The following FGD6 variants were observed in gnomAD, a reference collection of about 807,000 sequenced individuals.
FGD6 encodes the protein FYVE, RhoGEF and PH domain containing 6.
FGD6 carries 90 observed loss-of-function variants against 149.4 expected under a neutral mutation model. The ratio of observed to expected loss-of-function variants is 0.60; its 90% CI spans 0.51 to 0.72. The LOEUF (loss-of-function observed/expected upper bound fraction) is 0.72, where lower values mean the gene tolerates loss of function less well. Ranked by LOEUF, FGD6 falls within the 30% of genes least tolerant of loss-of-function variation. FGD6 has a pLI of 0.00. For synonymous variants in FGD6, 527 were observed against 584.0 expected, an observed-to-expected ratio of 0.90 and a Z score of 1.41; for missense variants, 1,437 against 1,684.8, an observed-to-expected ratio of 0.85 and a Z score of 2.57.
chr12:95,101,603 A>C (rs114638106), intron 14 of FGD6, among the ~76,000 whole-genome samples: 156 of 152,228 alleles, frequency 1.0e-3, no homozygotes, highest in African/African-American at 3.6e-3. Context: ...TTTTGAAAAT[A>C]ACCTCTTGAT....
intron 15 of FGD6, among the ~76,000 whole-genome samples, 176 bp from the exon 16 acceptor site, chr12:95,093,021 G>A (rs1327369604): frequency 2.0e-5 from 3 of 151,848 alleles, no homozygotes; most frequent in Non-Finnish European, 4.4e-5. Flanking sequence ...CGGAGTTTGC[G>A]ACCAGCCTGG....
chr12:95,092,496 T>C (rs1878089487), intron 16 of FGD6, among the ~76,000 whole-genome samples: 1 of 152,028 alleles, frequency 6.6e-6, no homozygotes, highest in South Asian at 2.1e-4. Context: ...AGTAGGAGGG[T>C]GGAAGTTCAC....
chr12:95,135,776 T>C (rs1328084051), intron 7 of FGD6, among the ~76,000 whole-genome samples: 1 of 152,222 alleles, frequency 6.6e-6, no homozygotes, highest in Admixed American at 6.5e-5. Context: ...ATTATAATGA[T>C]AATGCATGTT....
intron 14 of FGD6, among the ~76,000 whole-genome samples, chr12:95,098,278 C>T (rs888535306): frequency 1.3e-5 from 2 of 152,182 alleles, no homozygotes; most frequent in Non-Finnish European, 2.9e-5. Context: ...CTCTGAAGAA[C>T]TCCTCTTATA....
rs1880628223 is a variant in FGD6, at chr12:95,161,111, T to TG, written c.2587-8119dup. 2.6e-5 allele frequency among the ~76,000 whole-genome samples: 4 copies of TG among 150,994 alleles called. No individual in the cohort carries two copies. The South Asian group carries it at 8.4e-4, about 32-fold the overall frequency. On this transcript the variant is annotated intron_variant, in intron 3 of 20. Coordinates refer to ENST00000343958, the MANE Select transcript of FGD6 (RefSeq NM_018351.4). ...AGGAGAATTGCTTAAACCAAGGAGA[T>TG]GGAGGATGCAGTGAGCCAAAATTGC...
chr12:95,115,519 G>A (rs976790862), intron 8 of FGD6, among the ~76,000 whole-genome samples: 11 of 151,530 alleles, frequency 7.3e-5, no homozygotes, highest in Admixed American at 6.6e-5. Context: ...TACAGGCAGT[G>A]AGCCACTGCA....
intron 2 of FGD6, among the ~76,000 whole-genome samples, chr12:95,175,860 G>A (rs1333769666): frequency 6.6e-6 from 1 of 151,654 alleles, no homozygotes; most frequent in Admixed American, 6.6e-5. Flanking sequence ...AGGGTAAAGG[G>A]GTGAGGAGGA....
intron 2 of FGD6, among the ~76,000 whole-genome samples, chr12:95,181,645 T>G (rs1881282983): frequency 6.6e-6 from 1 of 152,190 alleles, no homozygotes; most frequent in Non-Finnish European, 1.5e-5. Flanking sequence ...AGCTTGAGGT[T>G]GCCTCCAATA....
In FGD6 at chr12:95,078,157, T is replaced by C. The variant is rs1186389540; in HGVS notation, c.*3363A>G. 6 of 152,182 alleles carry C rather than the reference T, an allele frequency of 3.9e-5. No individual in the cohort carries two copies. The highest frequency in any genetic ancestry group is 7.3e-5 in the Non-Finnish European group (5 of 68,068). The allele number at this position is 152,182 out of a possible 1,614,324, so 9.4% of individuals were successfully genotyped here. A position where few individuals can be genotyped will look rare whatever the true frequency, so the allele number is the denominator to read the frequency against. ...GCATTTGAGTTCAGCATGGGAAACATAGCGAGACCCGGTCTCTTAAAAACT... is the reference window on the plus strand; with the variant it reads ...GCATTTGAGTTCAGCATGGGAAACACAGCGAGACCCGGTCTCTTAAAAACT... On this transcript the variant is annotated 3_prime_UTR_variant, in exon 21 of 21. Transcript: ENST00000343958.
At chr12:95,097,057 TCATTTAATCATTCCTGG>T (rs956575990) in intron 14 of FGD6, among the ~76,000 whole-genome samples, 1 of 152,196 alleles carries the variant, frequency 6.6e-6, no homozygotes, top group African/African-American at 2.4e-5. Context: ...TGCTGTTCTT[TCATTTAATCATTCCTGG>T]CTCTCTCCTG....
intron 3 of FGD6, among the ~76,000 whole-genome samples, chr12:95,170,234 G>T (rs1880950984): frequency 1.3e-5 from 2 of 152,166 alleles, no homozygotes; most frequent in Admixed American, 1.3e-4. Flanking sequence ...TTTTCCCAAA[G>T]TACCTTCCTG....
chr12:95,093,826 C>T (rs1323728349), intron 15 of FGD6, among the ~76,000 whole-genome samples: 1 of 134,844 alleles, frequency 7.4e-6, no homozygotes, highest in Non-Finnish European at 1.6e-5. Flanking sequence ...TCCAGCCTGG[C>T]GACAGAGCAA....
intron 2 of FGD6, among the ~76,000 whole-genome samples, chr12:95,175,799 C>CAA (rs61051041): frequency 2.6e-5 from 1 of 38,884 alleles, no homozygotes; most frequent in Non-Finnish European, 5.0e-5. Flanking sequence ...GACTCTGTCT[C>CAA]AAAAAAAAAA....
chr12:95,177,644 T>A (rs1881168678), intron 2 of FGD6, among the ~76,000 whole-genome samples: 1 of 152,188 alleles, frequency 6.6e-6, no homozygotes, highest in Non-Finnish European at 1.5e-5. Flanking sequence ...GGTGATTATG[T>A]GTTTCCTTTG....
intron 2 of FGD6, among the ~76,000 whole-genome samples, chr12:95,176,352 C>G (rs1881131880): frequency 6.6e-6 from 1 of 152,184 alleles, no homozygotes; most frequent in South Asian, 2.1e-4. Flanking sequence ...AGACTGTCTG[C>G]TTTGTGGGGT....
chr12:95,210,480 C>G lies in FGD6; in HGVS notation c.804G>C (p.Gln268His), dbSNP rs2056719969. The change falls in exon 2 of 21, where the codon CAG (glutamine) becomes CAC (histidine). Residue 268 changes from glutamine (Q) to histidine (H), a missense_variant. Physicochemically the swap from Gln to His is conservative, Grantham distance 24. Coordinates refer to ENST00000343958, the MANE Select transcript of FGD6 (RefSeq NM_018351.4). Reference sequence around the variant, plus strand: ...TTTCCAGAGCCTCTAGTTCAGATGACTGAAAGCAATTATTGCTTTTTTCAC... The same window carrying G: ...TTTCCAGAGCCTCTAGTTCAGATGAGTGAAAGCAATTATTGCTTTTTTCAC... ...DDSEKSNNCF[Q>H]SSELEALENG... The G allele has an allele frequency of 6.2e-7, 1 of 1,614,024 alleles. No homozygotes were observed. Among genetic ancestry groups the G allele is most frequent in the Non-Finnish European group, 8.5e-7 (1 of 1,179,994 alleles).
intron 8 of FGD6, among the ~76,000 whole-genome samples, chr12:95,122,799 G>A (rs755076359): frequency 6.0e-5 from 9 of 151,140 alleles, no homozygotes; most frequent in Non-Finnish European, 1.2e-4. Context: ...GTGTCATCTC[G>A]GGAGGGGCAC....
At chr12:95,101,032 A>G (rs927531484) in intron 14 of FGD6, 3 of 307,658 alleles carry the variant, frequency 9.8e-6, no homozygotes, top group African/African-American at 6.6e-5. Context: ...TTGATTGATA[A>G]GAAGAATGGA....
intron 2 of FGD6, among the ~76,000 whole-genome samples, chr12:95,200,969 T>C (rs541469574): frequency 6.6e-6 from 1 of 151,136 alleles, no homozygotes; most frequent in South Asian, 2.1e-4. Flanking sequence ...GTACCTAACA[T>C]AGTTTCAAGA....
Sources: gnomAD v4.1 joint callset for allele counts (sites outside exome capture counted in the v4.1 genomes callset) on GRCh38, gnomAD v4.1.1 for gene constraint, MANE v1.5 for transcripts, NCBI Gene and HGNC (gene_info 2026-07-23, HGNC 2026-07-21) for gene names.